Variants in BACE2 observed in about 807,000 individuals in gnomAD.
The protein encoded by BACE2 is 56 kDa aspartic-like protease.
Under a neutral mutation model 46.2 loss-of-function variants are expected in BACE2, and 17 were observed. The observed-to-expected ratio is 0.37, with a 90% CI of 0.25 to 0.55. BACE2 has a LOEUF of 0.55. Ranked by LOEUF, BACE2 falls within the 20% of genes least tolerant of loss-of-function variation. BACE2 has a pLI of 0.82. For missense variants in BACE2, 595 were observed against 698.1 expected (o/e 0.85, Z 1.66); for synonymous variants, 277 against 295.9 (o/e 0.94, Z 0.66).
chr21:41,236,356 C>T (rs77819463), intron 2 of BACE2, among the ~76,000 whole-genome samples: 1,778 of 152,322 alleles, frequency 0.012, 25 homozygotes, highest in African/African-American at 0.039. Flanking sequence ...TTGAGGTCCC[C>T]TTGCCTGCTT....
intron 1 of BACE2, among the ~76,000 whole-genome samples, chr21:41,213,061 G>C (rs1217316201): frequency 3.3e-5 from 5 of 152,208 alleles, no homozygotes; most frequent in African/African-American, 9.6e-5. Flanking sequence ...GCTCCCAGGT[G>C]GGGGCTCATG....
intron 6 of BACE2, among the ~76,000 whole-genome samples, chr21:41,249,590 C>T (rs917552697): frequency 7.9e-5 from 12 of 152,186 alleles, no homozygotes; most frequent in African/African-American, 2.9e-4. Context: ...CAGATTCCAC[C>T]GCAGCATCTT....
intron 1 of BACE2, among the ~76,000 whole-genome samples, chr21:41,211,490 A>C (rs1986302262): frequency 6.6e-6 from 1 of 152,240 alleles, no homozygotes; most frequent in Non-Finnish European, 1.5e-5. Flanking sequence ...TGCTTTCTTC[A>C]ACAAGATGTG....
chr21:41,258,136 C>G (rs1272951999), intron 8 of BACE2, among the ~76,000 whole-genome samples: 1 of 151,372 alleles, frequency 6.6e-6, no homozygotes, highest in Non-Finnish European at 1.5e-5. Context: ...AACAAGATGT[C>G]AAGAGACTGA....
intron 7 of BACE2, among the ~76,000 whole-genome samples, chr21:41,253,335 G>T (rs1006447319): frequency 6.6e-6 from 1 of 151,760 alleles, no homozygotes; most frequent in Non-Finnish European, 1.5e-5. Context: ...CCAGCTACCT[G>T]GGAGGCTAAG....
intron 1 of BACE2, among the ~76,000 whole-genome samples, chr21:41,190,815 C>A (rs956990200): frequency 3.3e-5 from 5 of 152,182 alleles, no homozygotes; most frequent in African/African-American, 4.8e-5. Flanking sequence ...GAGTAGTAGA[C>A]TGATTTCATC....
chr21:41,221,244 C>G (rs999670076), intron 1 of BACE2, among the ~76,000 whole-genome samples: 1 of 152,170 alleles, frequency 6.6e-6, no homozygotes, highest in African/African-American at 2.4e-5. Flanking sequence ...CAGGTTACAG[C>G]ACTGCCCCTG....
intron 1 of BACE2, among the ~76,000 whole-genome samples, chr21:41,173,809 G>T (rs1984691189): frequency 6.6e-6 from 1 of 152,094 alleles, no homozygotes; most frequent in African/African-American, 2.4e-5. Flanking sequence ...TGAAATTAAT[G>T]TATAATATGA....
At chr21:41,198,795 AACCATC>A (rs1985831942) in intron 1 of BACE2, among the ~76,000 whole-genome samples, 3 of 152,244 alleles carry the variant, frequency 2.0e-5, no homozygotes, top group Admixed American at 6.5e-5. Context: ...TCAACCGAAT[AACCATC>A]ACCCTTCTAG....
intron 1 of BACE2, among the ~76,000 whole-genome samples, chr21:41,190,718 G>T (rs143621497): frequency 4.1e-4 from 62 of 152,192 alleles, no homozygotes; most frequent in African/African-American, 1.3e-3. Context: ...GTTTCCCATT[G>T]ATCTTAATCA....
chr21:41,260,658 C>T (rs67837204), intron 8 of BACE2, among the ~76,000 whole-genome samples: 16,791 of 152,174 alleles, frequency 0.11, 1,349 homozygotes, highest in African/African-American at 0.23. Context: ...ACATGTGATC[C>T]GAGAGAGCAT....
chr21:41,240,023 C>T (rs1294364030), intron 3 of BACE2, among the ~76,000 whole-genome samples: 4 of 152,214 alleles, frequency 2.6e-5, no homozygotes, highest in South Asian at 2.1e-4. Context: ...ACTCTCCGTG[C>T]GACATTTTAT....
At chr21:41,255,594 G>C (rs535842088) in intron 7 of BACE2, among the ~76,000 whole-genome samples, 1 of 152,334 alleles carries the variant, frequency 6.6e-6, no homozygotes, top group East Asian at 1.9e-4. Context: ...GTTCCCCCTA[G>C]ATTGGAAGCC....
At chr21:41,221,622 G>A (rs536461312) in intron 1 of BACE2, among the ~76,000 whole-genome samples, 5 of 152,220 alleles carry the variant, frequency 3.3e-5, no homozygotes, top group East Asian at 3.9e-4. Context: ...TCAGGAGATC[G>A]AGACCATCCT....
At chr21:41,226,831 G>A (rs1420201606) in intron 2 of BACE2, among the ~76,000 whole-genome samples, 1 of 152,216 alleles carries the variant, frequency 6.6e-6, no homozygotes, top group African/African-American at 2.4e-5. Flanking sequence ...TGTGGTTCAT[G>A]GAAGCCATTT....
intron 2 of BACE2, among the ~76,000 whole-genome samples, chr21:41,236,982 C>G (rs546079114): frequency 1.2e-4 from 18 of 152,302 alleles, no homozygotes; most frequent in Admixed American, 2.0e-4. Flanking sequence ...AACACTGTTA[C>G]CAAAACATTA....
chr21:41,204,141 C>G (rs1343417518), intron 1 of BACE2, among the ~76,000 whole-genome samples: 1 of 152,126 alleles, frequency 6.6e-6, no homozygotes, highest in East Asian at 1.9e-4. Flanking sequence ...TTCAGCCTCC[C>G]GAGTAGCTGG....
intron 1 of BACE2, among the ~76,000 whole-genome samples, chr21:41,185,444 C>CT (rs1205772566): frequency 6.6e-6 from 1 of 152,204 alleles, no homozygotes; most frequent in Non-Finnish European, 1.5e-5. Context: ...CTGTAGGTGG[C>CT]TGACTGCCAG....
At chr21:41,243,277 G>A in intron 4 of BACE2, 99 bp from the exon 5 acceptor site, 2 of 952,232 alleles carry the variant, frequency 2.1e-6, no homozygotes, top group Non-Finnish European at 3.0e-6. Context: ...AGCCCTGATT[G>A]CAGTGAAGTT....
Sources: allele counts gnomAD v4.1 joint callset (sites outside exome capture counted in the v4.1 genomes callset), GRCh38; gene constraint gnomAD v4.1.1; transcripts MANE v1.5; gene names NCBI Gene and HGNC (gene_info 2026-07-23, HGNC 2026-07-21).